DHRSX: variants seen among roughly 807,000 people sequenced by gnomAD.
The protein encoded by DHRSX is polyprenol dehydrogenase.
Under a neutral mutation model 34.0 loss-of-function variants are expected in DHRSX, and 31 were observed. That is an observed-to-expected ratio of 0.91 (90% CI 0.69 to 1.23). The LOEUF (loss-of-function observed/expected upper bound fraction) is 1.23. DHRSX is among the 50% of genes most tolerant of loss of function. The pLI is 0.00. For synonymous variants in DHRSX, 201 were observed against 183.8 expected, an observed-to-expected ratio of 1.09 and a Z score of -0.76; for missense variants, 414 against 428.1, an observed-to-expected ratio of 0.97 and a Z score of 0.29.
intron 3 of DHRSX, among the ~76,000 whole-genome samples, chrX:2,363,642 G>T (rs1317633160): frequency 3.2e-4 from 43 of 136,448 alleles, no homozygotes; most frequent in Admixed American, 2.0e-3. Context: ...GTATCATGCC[G>T]CCATTTTATC....
chrX:2,294,773 A>AGAGAGAGAGGAAAAAGAGAGG (rs2041911252), intron 3 of DHRSX, among the ~76,000 whole-genome samples: 2 of 150,636 alleles, frequency 1.3e-5, no homozygotes, highest in South Asian at 4.2e-4. Context: ...AGAAAGAGAG[A>AGAGAGAGAGGAAAAAGAGAGG]GAGAGAGAGG....
At position 2,322,537 on chromosome X, in the gene DHRSX, C is replaced by T. The variant is rs571320604; in HGVS notation, c.287-30934G>A. Among the ~76,000 whole-genome samples the T allele has an allele frequency of 8.0e-5, 11 of 137,636 alleles. No homozygotes were observed. The South Asian group carries it at 2.6e-3, about 33-fold the overall frequency. 90.3% of individuals were successfully genotyped at this position (137,636 alleles called of 152,430 possible). A position where few individuals can be genotyped will look rare whatever the true frequency, so the allele number is the denominator to read the frequency against. ...GAACTCCAGCCTGACTCCAGGGCAA[C>T]AGAGTGAAACTCCATCTCAAAAAAA... On this transcript the variant is annotated intron_variant, in intron 3 of 6. Transcript: ENST00000334651.
At chrX:2,431,866 G>A (rs2043927969) in intron 1 of DHRSX, among the ~76,000 whole-genome samples, 1 of 152,030 alleles carries the variant, frequency 6.6e-6, no homozygotes, top group Non-Finnish European at 1.5e-5. Flanking sequence ...ATATACCCAG[G>A]GAACAAACCT....
chrX:2,463,951 G>C (rs189771693), intron 1 of DHRSX, among the ~76,000 whole-genome samples: 1 of 152,050 alleles, frequency 6.6e-6, no homozygotes, highest in Non-Finnish European at 1.5e-5. Context: ...AAGACGTTCG[G>C]AAAGCATGTG....
chrX:2,288,506 G>C (rs2041831259), intron 4 of DHRSX, among the ~76,000 whole-genome samples: 1 of 152,142 alleles, frequency 6.6e-6, no homozygotes. Context: ...AAGTGCTGAG[G>C]TTACAGGCGT....
intron 1 of DHRSX, among the ~76,000 whole-genome samples, chrX:2,443,700 G>A (rs2044091016): frequency 6.6e-6 from 1 of 152,064 alleles, no homozygotes; most frequent in Non-Finnish European, 1.5e-5. Context: ...GAGAGAAGAT[G>A]AGATGGTAAA....
intron 3 of DHRSX, among the ~76,000 whole-genome samples, chrX:2,352,041 A>G (rs1385877737): frequency 6.6e-6 from 1 of 152,026 alleles, no homozygotes; most frequent in South Asian, 2.1e-4. Context: ...TTGTTTCAAT[A>G]AACAGCTGTG....
chrX:2,277,068 G>A (rs1413930879), intron 4 of DHRSX, among the ~76,000 whole-genome samples: 5 of 87,038 alleles, frequency 5.7e-5, no homozygotes, highest in South Asian at 3.8e-4. Flanking sequence ...GGAAATAGGG[G>A]GAAAGAGAGA....
At chrX:2,291,896 A>ATTTTTTTTTTTT (rs928376249) in intron 3 of DHRSX, among the ~76,000 whole-genome samples, 9 of 96,146 alleles carry the variant, frequency 9.4e-5, no homozygotes, top group Non-Finnish European at 8.4e-5. Context: ...GTATTTTTGT[A>ATTTTTTTTTTTT]TTTTTTTTTT....
chrX:2,340,979 A>G (rs1056886686), intron 3 of DHRSX, among the ~76,000 whole-genome samples: 4 of 152,112 alleles, frequency 2.6e-5, no homozygotes, highest in African/African-American at 9.7e-5. Context: ...AGAATGGACA[A>G]TATCACCAGG....
At chrX:2,282,819 A>AGAGG (rs1203728949) in intron 4 of DHRSX, among the ~76,000 whole-genome samples, 1 of 101,480 alleles carries the variant, frequency 9.9e-6, no homozygotes. Flanking sequence ...AGAAAGAGAG[A>AGAGG]GAGGGAGAGA....
chrX:2,397,832 C>A (rs973120768), intron 3 of DHRSX, among the ~76,000 whole-genome samples: 1 of 152,092 alleles, frequency 6.6e-6, no homozygotes, highest in South Asian at 2.1e-4. Flanking sequence ...ACTTATTAAA[C>A]ATGCCCCAGG....
chrX:2,424,398 G>C (rs2043817155), intron 2 of DHRSX, among the ~76,000 whole-genome samples: 1 of 152,146 alleles, frequency 6.6e-6, no homozygotes, highest in Non-Finnish European at 1.5e-5. Flanking sequence ...ACAGGGAGAA[G>C]ATGGTGTCTA....
intron 1 of DHRSX, among the ~76,000 whole-genome samples, chrX:2,431,344 CA>C (rs201373514): frequency 0.54 from 77,870 of 145,180 alleles, 21,409 homozygotes; most frequent in East Asian, 0.82. Context: ...AAAAAAAAGA[CA>C]AAAAAAACCC....
chrX:2,479,357 G>A (rs191520587), intron 1 of DHRSX, among the ~76,000 whole-genome samples: 19 of 146,640 alleles, frequency 1.3e-4, no homozygotes, highest in African/African-American at 3.3e-4. Flanking sequence ...AGGGACCTCC[G>A]CCACGTACAC....
chrX:2,260,614 C>T (rs2041351104), intron 5 of DHRSX, among the ~76,000 whole-genome samples: 1 of 152,064 alleles, frequency 6.6e-6, no homozygotes, highest in Admixed American at 6.6e-5. Context: ...CGCGCAGCAC[C>T]ACGCCCGGCT....
chrX:2,440,376 T>G (rs1419808684), intron 1 of DHRSX, among the ~76,000 whole-genome samples: 1 of 151,662 alleles, frequency 6.6e-6, no homozygotes, highest in Non-Finnish European at 1.5e-5. Context: ...AATTTTTGTG[T>G]TTTTTTGTAG....
Position 2,266,955 on chromosome X carries a change from A to T in DHRSX, c.389-8T>A, listed in dbSNP as rs774660668. The stretch of plus-strand genomic sequence containing the variant: ...GGACCATCATCACCCCAGCTGGACA[A>T]AAGAGAATATCAGAAGGAGTTAGAC... On this transcript the variant is annotated splice_region_variant and splice_polypyrimidine_tract_variant and intron_variant, in intron 4 of 6. Transcript: ENST00000334651. The T allele has an allele frequency of 6.2e-7, 1 of 1,613,638 alleles. No individual in the cohort carries two copies. Among genetic ancestry groups the T allele is most frequent in the South Asian group, 1.1e-5 (1 of 91,080 alleles).
intron 3 of DHRSX, among the ~76,000 whole-genome samples, chrX:2,386,882 G>GTTTTTT (rs57827913): frequency 4.8e-5 from 6 of 124,076 alleles, no homozygotes; most frequent in African/African-American, 5.6e-5. Flanking sequence ...TGATGGTTTT[G>GTTTTTT]TTTTTTTTTT....
Sources: gnomAD v4.1 joint callset for allele counts (sites outside exome capture counted in the v4.1 genomes callset) on GRCh38, gnomAD v4.1.1 for gene constraint, MANE v1.5 for transcripts, NCBI Gene and HGNC (gene_info 2026-07-23, HGNC 2026-07-21) for gene names.